Variants in NCAM1 observed in about 807,000 individuals in gnomAD.
NCAM1 encodes the protein neural cell adhesion molecule 1.
In NCAM1, 14 loss-of-function variants were observed where a neutral mutation model predicts 109.8. The observed-to-expected ratio is 0.13, with a 90% CI of 0.08 to 0.20. The LOEUF (loss-of-function observed/expected upper bound fraction) is 0.20, where lower values mean the gene tolerates loss of function less well. Among genes scored for constraint, NCAM1 ranks in the 10% least tolerant of loss-of-function variants. The probability of loss-of-function intolerance (pLI) is 1.00; values close to 1 mark genes in which losing one functional copy is unlikely to be tolerated. For synonymous variants in NCAM1, 418 were observed against 442.9 expected, an observed-to-expected ratio of 0.94 and a Z score of 0.70; for missense variants, 774 against 1,109.9, an observed-to-expected ratio of 0.70 and a Z score of 4.30.
intron 5 of NCAM1, among the ~76,000 whole-genome samples, 158 bp downstream of exon 5, chr11:113,206,338 CT>C (rs199506206): frequency 0.016 from 2,139 of 136,068 alleles, 16 homozygotes; most frequent in South Asian, 0.039. Context: ...ATCTAGATTT[CT>C]TTTTTTTTTT....
rs11425032 is a variant in NCAM1 at position 113,072,823 on chromosome 11, A to ATT, written c.52+111168_52+111169dup. 6.6e-3 allele frequency among the ~76,000 whole-genome samples: 959 copies of ATT among 145,578 alleles called. 15 individuals carry two copies. The highest frequency in any genetic ancestry group is 0.018 in the African/African-American group (722 of 39,376). On this transcript the variant is annotated intron_variant, in intron 1 of 19. Transcript: ENST00000316851. ...TTCTAAGTATTTTACATTGTTTTTTATTTTTTTTTTCATTTTTTTGACTAT... is the reference window on the plus strand; with the variant it reads ...TTCTAAGTATTTTACATTGTTTTTTATTTTTTTTTTTTCATTTTTTTGACTAT...
chr11:113,121,354 G>A (rs1940948799), intron 1 of NCAM1, among the ~76,000 whole-genome samples: 1 of 150,248 alleles, frequency 6.7e-6, no homozygotes, highest in South Asian at 2.1e-4. Context: ...CCAAGTAGCT[G>A]GGACTGCAGG....
chr11:113,057,135 C>T (rs1555082729), intron 1 of NCAM1, among the ~76,000 whole-genome samples: 1 of 152,090 alleles, frequency 6.6e-6, no homozygotes, highest in East Asian at 1.9e-4. Context: ...GGGGACCTAA[C>T]CCTTCAGGTG....
chr11:113,179,804 G>C (rs1203724084), intron 1 of NCAM1, among the ~76,000 whole-genome samples: 3 of 152,148 alleles, frequency 2.0e-5, no homozygotes, highest in Non-Finnish European at 4.4e-5. Context: ...GATTTCTTTT[G>C]CTTTTAGGAT....
chr11:113,222,858 T>C (rs538208899), intron 9 of NCAM1, among the ~76,000 whole-genome samples: 18 of 152,312 alleles, frequency 1.2e-4, no homozygotes, highest in African/African-American at 4.3e-4. Context: ...TGTCTTACTT[T>C]GGACGTAATT....
chr11:113,262,674 AT>A (rs1946042603), intron 17 of NCAM1, among the ~76,000 whole-genome samples: 1 of 151,412 alleles, frequency 6.6e-6, no homozygotes, highest in South Asian at 2.1e-4. Flanking sequence ...TTTTCTTTTT[AT>A]CTATTTTTTT....
chr11:113,213,643 A>G (rs1408308616), intron 7 of NCAM1, among the ~76,000 whole-genome samples: 3 of 152,068 alleles, frequency 2.0e-5, no homozygotes, highest in Non-Finnish European at 4.4e-5. Flanking sequence ...TTCAGTTGCC[A>G]CTTATTGAAC....
chr11:113,264,733 A>T (rs1946098829), intron 17 of NCAM1: 1 of 985,248 alleles, frequency 1.0e-6, no homozygotes, highest in African/African-American at 1.7e-5. Context: ...GAGAGGACTG[A>T]CGTGGCCCTG....
chr11:113,105,922 T>G (rs918097467), intron 1 of NCAM1, among the ~76,000 whole-genome samples: 3 of 152,250 alleles, frequency 2.0e-5, no homozygotes, highest in Non-Finnish European at 2.9e-5. Context: ...TCAGTAAAGC[T>G]GTTATAAAAT....
At chr11:113,190,334 C>G (rs1943639292) in intron 1 of NCAM1, among the ~76,000 whole-genome samples, 1 of 152,206 alleles carries the variant, frequency 6.6e-6, no homozygotes, top group African/African-American at 2.4e-5. Flanking sequence ...AGCCTGAGGA[C>G]TGTTAACTAA....
intron 1 of NCAM1, among the ~76,000 whole-genome samples, chr11:113,119,317 C>T (rs1330752771): frequency 2.6e-5 from 4 of 152,098 alleles, no homozygotes; most frequent in African/African-American, 7.2e-5. Context: ...GAACAATAGC[C>T]GATGATATCC....
chr11:113,267,099 C>T (rs1555124499), intron 17 of NCAM1, among the ~76,000 whole-genome samples: 2 of 152,230 alleles, frequency 1.3e-5, no homozygotes, highest in African/African-American at 2.4e-5. Flanking sequence ...TAAAATCTGC[C>T]ACCACCATAA....
chr11:113,132,676 G>A (rs1343065833), intron 1 of NCAM1, among the ~76,000 whole-genome samples: 1 of 151,184 alleles, frequency 6.6e-6, no homozygotes. Context: ...GGGAGCTGGA[G>A]AGAGAGAGAG....
intron 6 of NCAM1, 87 bp from the exon 7 acceptor site, chr11:113,207,746 A>G: frequency 1.4e-6 from 2 of 1,392,564 alleles, no homozygotes; most frequent in Non-Finnish European, 2.0e-6. Context: ...CCATTGACTC[A>G]GTCTGCATTC....
intron 1 of NCAM1, among the ~76,000 whole-genome samples, chr11:113,116,713 G>C (rs1370768362): frequency 6.7e-6 from 1 of 150,284 alleles, no homozygotes; most frequent in African/African-American, 2.5e-5. Flanking sequence ...AAAGAGAGTG[G>C]TACCTCTTGT....
chr11:113,080,716 C>T (rs1555087015), intron 1 of NCAM1, among the ~76,000 whole-genome samples: 2 of 152,200 alleles, frequency 1.3e-5, no homozygotes, highest in African/African-American at 4.8e-5. Flanking sequence ...ATTGCCAAAA[C>T]ATTGGATCGT....
chr11:113,010,925 T>A (rs1390118821), intron 1 of NCAM1, among the ~76,000 whole-genome samples: 1 of 152,048 alleles, frequency 6.6e-6, no homozygotes, highest in African/African-American at 2.4e-5. Context: ...GATTCATCAT[T>A]GGGGGAGGCC....
chr11:113,228,298 CAGAG>C (rs1335374679), intron 9 of NCAM1, among the ~76,000 whole-genome samples: 1 of 152,162 alleles, frequency 6.6e-6, no homozygotes, highest in Non-Finnish European at 1.5e-5. Flanking sequence ...AACAGACAAA[CAGAG>C]AGCCAAATCA....
intron 1 of NCAM1, among the ~76,000 whole-genome samples, chr11:113,090,587 A>G (rs1939298934): frequency 6.6e-6 from 1 of 152,208 alleles, no homozygotes; most frequent in South Asian, 2.1e-4. Context: ...CTGAAAAAAC[A>G]TTTGGGGAAA....
Sources: allele counts gnomAD v4.1 joint callset (sites outside exome capture counted in the v4.1 genomes callset), GRCh38; gene constraint gnomAD v4.1.1; transcripts MANE v1.5; gene names NCBI Gene and HGNC (gene_info 2026-07-23, HGNC 2026-07-21).